The following DISP3 variants were observed in gnomAD, a reference collection of about 807,000 sequenced individuals.
DISP3 encodes dispatched RND transporter family member 3.
DISP3 carries 101 observed loss-of-function variants against 135.3 expected under a neutral mutation model. That is an observed-to-expected ratio of 0.75 (90% CI 0.64 to 0.88). The LOEUF is 0.88. Ranked by LOEUF, DISP3 falls within the 40% of genes least tolerant of loss-of-function variation. The pLI, the probability that DISP3 is intolerant of heterozygous loss-of-function variation, is 0.00. For synonymous variants in DISP3, 856 were observed against 817.0 expected (o/e 1.05, Z -0.81); for missense variants, 1,713 against 1,878.6 (o/e 0.91, Z 1.63).
chr1:11,530,260 C>T (rs1477010213), intron 15 of DISP3, among the ~76,000 whole-genome samples: 2 of 152,222 alleles, frequency 1.3e-5, no homozygotes, highest in East Asian at 1.9e-4. Context: ...CCTCCTTGCC[C>T]TCCCCCTTCC....
chr1:11,484,867 A>G (rs1396206767), intron 1 of DISP3, among the ~76,000 whole-genome samples: 1 of 152,158 alleles, frequency 6.6e-6, no homozygotes, highest in Non-Finnish European at 1.5e-5. Context: ...GATAGTGTCC[A>G]GGGACCTCAA....
At chr1:11,489,218 C>T (rs997398138) in intron 1 of DISP3, among the ~76,000 whole-genome samples, 2 of 152,352 alleles carry the variant, frequency 1.3e-5, no homozygotes, top group East Asian at 1.9e-4. Context: ...TGCCTCATGG[C>T]GGCCCCTCAG....
In DISP3 at chr1:11,502,852, G is replaced by C; in HGVS notation, c.1271G>C (p.Ser424Thr). ...RWEEQRAKFQ[S>T]FVVTYVAMLA... is the part of the protein sequence containing the mutation. ...GAGGAACAACGGGCTAAGTTTCAGAGCTTCGTGGTCACCTACGTGGCCATG... is the reference window on the plus strand; with the variant it reads ...GAGGAACAACGGGCTAAGTTTCAGACCTTCGTGGTCACCTACGTGGCCATG... The change falls in exon 3 of 21, where the codon AGC becomes ACC. Residue 424 changes from serine (S) to threonine (T), a missense_variant. Coordinates refer to ENST00000294484, the MANE Select transcript of DISP3 (RefSeq NM_020780.2). 1.2e-6 allele frequency: 2 copies of C among 1,614,200 alleles called. No homozygotes were observed. Among genetic ancestry groups the C allele is most frequent in the Non-Finnish European group, 1.7e-6 (2 of 1,180,034 alleles).
intron 1 of DISP3, among the ~76,000 whole-genome samples, chr1:11,492,121 C>CAAAAA (rs59755389): frequency 6.1e-4 from 38 of 62,012 alleles, no homozygotes; most frequent in East Asian, 1.9e-3. Flanking sequence ...GACTCCGTCT[C>CAAAAA]AAAAAAAAAA....
chr1:11,489,516 G>A (rs563670093), intron 1 of DISP3, among the ~76,000 whole-genome samples: 4 of 152,306 alleles, frequency 2.6e-5, no homozygotes, highest in Admixed American at 2.6e-4. Flanking sequence ...AAAGACAGCA[G>A]GATCCCTGCA....
intron 1 of DISP3, among the ~76,000 whole-genome samples, chr1:11,484,887 C>T (rs1265326830): frequency 6.6e-6 from 1 of 152,174 alleles, no homozygotes; most frequent in African/African-American, 2.4e-5. Context: ...ACCTCCTTTG[C>T]CAGAAAAGGC....
Position 11,529,416 on chromosome 1 carries a change from C to A in DISP3, c.2799-140C>A. The A allele has an allele frequency of 9.4e-7, 1 of 1,068,036 alleles. No individual in the cohort carries two copies. The highest frequency in any genetic ancestry group is 1.4e-6 in the Non-Finnish European group (1 of 740,614). 66.2% of individuals were successfully genotyped at this position (1,068,036 alleles called of 1,614,324 possible). On this transcript the variant is annotated intron_variant, in intron 13 of 20. Transcript: ENST00000294484. The surrounding 1 kb of genome is among the most constrained non-coding windows in gnomAD (Gnocchi z 4.7). ...CATCCCCCAGCCCTCAACCTGAGAA[C>A]AAATCCCCATGCCGGGGCAGAGCCC...
At chr1:11,522,222 C>T (rs914214055) in intron 10 of DISP3, among the ~76,000 whole-genome samples, 1 of 152,160 alleles carries the variant, frequency 6.6e-6, no homozygotes, top group Non-Finnish European at 1.5e-5. Context: ...GAGAAGACGC[C>T]TGGGTGAGTG....
chr1:11,530,085 C>A, intron 15 of DISP3, 126 bp downstream of exon 15: 2 of 1,322,946 alleles, frequency 1.5e-6, no homozygotes, highest in South Asian at 1.4e-5. Context: ...GCTCCTCTAA[C>A]CCAGACAGAA....
rs1642030222 is a variant in DISP3, at chr1:11,516,986, C to T, written c.1750-477C>T. 2.6e-5 allele frequency among the ~76,000 whole-genome samples: 4 copies of T among 152,296 alleles called. No homozygotes were observed. The South Asian group carries it at 8.3e-4, about 32-fold the overall frequency. ...CTGCTCTGTTGGTGGCTACAGCTTC[C>T]TTCCAACTAGCACCTCCCTGTGTGG... On this transcript the variant is annotated intron_variant, in intron 6 of 20. Transcript: ENST00000294484. The surrounding 1 kb of genome is among the most constrained non-coding windows in gnomAD (Gnocchi z 5.1).
Position 11,534,458 on chromosome 1 carries a change from G to A in DISP3, c.3453G>A (p.Leu1151=). 6.2e-7 allele frequency: 1 copy of A among 1,614,194 alleles called. No individual in the cohort carries two copies. Among genetic ancestry groups the A allele is most frequent in the Non-Finnish European group, 8.5e-7 (1 of 1,180,048 alleles). The change falls in exon 18 of 21, where the codon CTG becomes CTA. Residue 1151 remains leucine, a synonymous_variant. Transcript: ENST00000294484. ...GGGAGAGCTTCCTCCAGCAGCAGCT[G>A]CAGGCCTTGCCCGAGGGCTCAGTCC... The part of the protein sequence containing the change: ...LRWESFLQQQ[L]QALPEGSVLR...
At chr1:11,502,975 C>G in intron 3 of DISP3, 78 bp downstream of exon 3, 1 of 1,235,482 alleles carries the variant, frequency 8.1e-7, no homozygotes, top group Non-Finnish European at 1.1e-6. Flanking sequence ...AACCCCATAT[C>G]CCTTTCCCTA....
rs752240254 is a variant in DISP3, at chr1:11,501,832, G to A, written c.840G>A (p.Leu280=). The change falls in exon 2 of 21, where the codon CTG becomes CTA. Residue 280 remains leucine, a synonymous_variant. Transcript: ENST00000294484. The surrounding 1 kb of genome is among the most constrained non-coding windows in gnomAD (Gnocchi z 4.9). ...HAHWRIELIF[L]ARGDAERNIF... is the part of the protein sequence containing the mutation. Reference sequence around the variant, plus strand: ...ACTGGCGCATCGAGCTCATCTTCCTGGCGCGCGGCGACGCGGAGCGCAACA... The same window carrying A: ...ACTGGCGCATCGAGCTCATCTTCCTAGCGCGCGGCGACGCGGAGCGCAACA... 6.2e-7 allele frequency: 1 copy of A among 1,611,406 alleles called. No individual in the cohort carries two copies. Among genetic ancestry groups the A allele is most frequent in the Non-Finnish European group, 8.5e-7 (1 of 1,178,844 alleles).
In DISP3 at chr1:11,515,510, C is replaced by A; in HGVS notation, c.1588+7C>A. On this transcript the variant is annotated splice_region_variant and intron_variant, in intron 5 of 20. Transcript: ENST00000294484. Reference sequence around the variant, plus strand: ...TTCGTGATCGTGGGCATTGGTGAGTCGCCTCTGTTGTCATGGCAGTGCGCC... The same window carrying A: ...TTCGTGATCGTGGGCATTGGTGAGTAGCCTCTGTTGTCATGGCAGTGCGCC... 1 of 1,597,306 alleles carries A rather than the reference C, an allele frequency of 6.3e-7. No individual in the cohort carries two copies. Among genetic ancestry groups the A allele is most frequent in the Non-Finnish European group, 8.5e-7 (1 of 1,171,936 alleles).
Position 11,498,007 on chromosome 1 carries a change from C to A in DISP3, c.-3-2983C>A, listed in dbSNP as rs568654590. Among the ~76,000 whole-genome samples, 14 of 152,342 alleles carry A rather than the reference C, an allele frequency of 9.2e-5. No individual in the cohort carries two copies. In the South Asian group the frequency reaches 2.7e-3, roughly 29 times the overall value. ...CAAGTAAGTCCCTGCTCCCTTAAAGCTCACATCTACCCGCCTGTGGGGCTC... is the reference window on the plus strand; with the variant it reads ...CAAGTAAGTCCCTGCTCCCTTAAAGATCACATCTACCCGCCTGTGGGGCTC... On this transcript the variant is annotated intron_variant, in intron 1 of 20. Transcript: ENST00000294484.
rs1226530552 is a variant in DISP3 at position 11,499,784 on chromosome 1, C to T, written c.-3-1206C>T. 1.3e-5 allele frequency among the ~76,000 whole-genome samples: 2 copies of T among 152,204 alleles called. No individual in the cohort carries two copies. Among genetic ancestry groups the T allele is most frequent in the East Asian group, 3.8e-4 (2 of 5,198 alleles). ...TCTGTTTCCCTCCTTCCGTCACCTC[C>T]TCTTGCTTACTTTCTCTGGACTGAC... On this transcript the variant is annotated intron_variant, in intron 1 of 20. Coordinates refer to ENST00000294484, the MANE Select transcript of DISP3 (RefSeq NM_020780.2). This position sits in a 1 kb window ranked among gnomAD's most constrained non-coding sequence, Gnocchi z 5.2.
chr1:11,514,265 T>G (rs1641937797), intron 3 of DISP3, 125 bp from the exon 4 acceptor site: 5 of 1,198,810 alleles, frequency 4.2e-6, no homozygotes, highest in Admixed American at 4.0e-5. Flanking sequence ...GATTTTGATA[T>G]CCAACCAAGG....
intron 1 of DISP3, among the ~76,000 whole-genome samples, chr1:11,488,103 G>A (rs1206199892): frequency 6.6e-6 from 1 of 152,164 alleles, no homozygotes; most frequent in Non-Finnish European, 1.5e-5. Flanking sequence ...AGGTAGCTTC[G>A]CTGGGTCTCT....
chr1:11,489,563 G>A (rs1641127656), intron 1 of DISP3, among the ~76,000 whole-genome samples: 1 of 152,176 alleles, frequency 6.6e-6, no homozygotes, highest in Non-Finnish European at 1.5e-5. Context: ...AGAGGTGACG[G>A]GGAGCCTCTC....
Sources: gnomAD v4.1 joint callset for allele counts (sites outside exome capture counted in the v4.1 genomes callset) on GRCh38, gnomAD v4.1.1 for gene constraint, Gnocchi (gnomAD v3.1) non-coding constraint, MANE v1.5 for transcripts, NCBI Gene and HGNC (gene_info 2026-07-23, HGNC 2026-07-21) for gene names.